Variants in ATP8B1 observed in about 807,000 individuals in gnomAD.
ATP8B1 encodes phospholipid-transporting ATPase IC.
Under a neutral mutation model 149.9 loss-of-function variants are expected in ATP8B1, and 80 were observed. The observed-to-expected ratio is 0.53, with a 90% CI of 0.45 to 0.64. The LOEUF (loss-of-function observed/expected upper bound fraction) is 0.64. ATP8B1 is among the 30% of genes least tolerant of loss of function. The pLI is 0.00. For synonymous variants in ATP8B1, 536 were observed against 562.8 expected, an observed-to-expected ratio of 0.95 and a Z score of 0.67; for missense variants, 1,247 against 1,552.6, an observed-to-expected ratio of 0.80 and a Z score of 3.31.
In ATP8B1 at chr18:57,649,506, C is replaced by A. The variant is rs541450460; in HGVS notation, c.3532-794G>T. 3.9e-5 allele frequency among the ~76,000 whole-genome samples: 6 copies of A among 152,162 alleles called. No homozygotes were observed. The East Asian group carries it at 1.2e-3, about 29-fold the overall frequency. ...TTGTTACTGCATACTGTTGGCACTGCAAAAGGGAGACCCGAGGGATACTGA... is the reference window on the plus strand; with the variant it reads ...TTGTTACTGCATACTGTTGGCACTGAAAAAGGGAGACCCGAGGGATACTGA... On this transcript the variant is annotated intron_variant, in intron 27 of 27. Coordinates refer to ENST00000648908, the MANE Select transcript of ATP8B1 (RefSeq NM_001374385.1).
chr18:57,650,230 A>C, intron 27 of ATP8B1, 137 bp downstream of exon 27: 2 of 1,115,686 alleles, frequency 1.8e-6, no homozygotes, highest in South Asian at 2.6e-5. Flanking sequence ...TGTGAGATAG[A>C]GTTAAAGAGA....
At chr18:57,708,157 C>CAAAAAAAAAAAAA (rs36027330) in intron 2 of ATP8B1, among the ~76,000 whole-genome samples, 2 of 67,076 alleles carry the variant, frequency 3.0e-5, no homozygotes, top group Non-Finnish European at 5.6e-5. Context: ...AACTCTGTCT[C>CAAAAAAAAAAAAA]AAAAAAAAAA....
At chr18:57,701,983 C>T (rs1752883290) in intron 4 of ATP8B1, among the ~76,000 whole-genome samples, 1 of 152,182 alleles carries the variant, frequency 6.6e-6, no homozygotes, top group Admixed American at 6.5e-5. Context: ...CAGGTGTGAG[C>T]CACCGTGCCT....
At chr18:57,735,833 T>C (rs1159416389) in intron 1 of ATP8B1, among the ~76,000 whole-genome samples, 2 of 152,128 alleles carry the variant, frequency 1.3e-5, no homozygotes, top group Non-Finnish European at 2.9e-5. Context: ...AGTTCTAGGA[T>C]ACATGTGCAG....
intron 1 of ATP8B1, among the ~76,000 whole-genome samples, chr18:57,748,559 G>A (rs976276386): frequency 1.3e-5 from 2 of 152,202 alleles, no homozygotes; most frequent in Admixed American, 6.6e-5. Flanking sequence ...TGGCTTGAAT[G>A]TGTAGCTTTA....
intron 16 of ATP8B1, among the ~76,000 whole-genome samples, chr18:57,674,477 C>T (rs1375822266): frequency 4.0e-5 from 6 of 149,016 alleles, no homozygotes; most frequent in African/African-American, 1.2e-4. Context: ...CTCTGCCTCC[C>T]GGGTTCACGC....
chr18:57,749,129 C>T (rs2079992719), intron 1 of ATP8B1, among the ~76,000 whole-genome samples: 1 of 152,162 alleles, frequency 6.6e-6, no homozygotes, highest in Non-Finnish European at 1.5e-5. Flanking sequence ...CTTTTTTCTG[C>T]TGTGATATTT....
In ATP8B1 at chr18:57,701,080, C is replaced by G. The variant is rs1913093682; in HGVS notation, c.513G>C (p.Lys171Asn). ...VDDVARHKMD[K>N]EINNRTCEVI... ...CTTCACACGTCCTATTGTTGATTTC[C>G]TTATCCATTTTATGGCGAGCCTTGA... Residue 171 changes from lysine to asparagine, a missense_variant, in exon 6 of 28, where the codon AAG becomes AAC. Coordinates refer to ENST00000648908, the MANE Select transcript of ATP8B1 (RefSeq NM_001374385.1). The G allele has an allele frequency of 1.9e-6, 3 of 1,613,992 alleles. No homozygotes were observed. In the African/African-American group the frequency reaches 4.0e-5, roughly 22 times the overall value.
chr18:57,701,406 T>C, intron 4 of ATP8B1, 93 bp from the exon 5 acceptor site: 1 of 1,106,158 alleles, frequency 9.0e-7, no homozygotes, highest in African/African-American at 1.5e-5. Flanking sequence ...TAATTCCAAG[T>C]CTCATCACCG....
At chr18:57,684,274 C>G in intron 14 of ATP8B1, 82 bp from the exon 15 acceptor site, 7 of 1,452,112 alleles carry the variant, frequency 4.8e-6, no homozygotes, top group Non-Finnish European at 6.6e-6. Flanking sequence ...TCTTCAAAGG[C>G]AAGGTTTCAA....
At chr18:57,770,623 G>A (rs1341093313) in intron 1 of ATP8B1, among the ~76,000 whole-genome samples, 1 of 152,226 alleles carries the variant, frequency 6.6e-6, no homozygotes, top group African/African-American at 2.4e-5. Context: ...GAGAAGGAGA[G>A]GCTGAGACAG....
intron 1 of ATP8B1, among the ~76,000 whole-genome samples, chr18:57,766,676 T>C (rs2080214169): frequency 6.6e-6 from 1 of 152,170 alleles, no homozygotes; most frequent in African/African-American, 2.4e-5. Context: ...ACTCTTCATT[T>C]CCATCAAGCT....
At chr18:57,663,677 T>C (rs1910656833) in intron 20 of ATP8B1, among the ~76,000 whole-genome samples, 1 of 152,124 alleles carries the variant, frequency 6.6e-6, no homozygotes, top group Non-Finnish European at 1.5e-5. Context: ...CCCTAATGAT[T>C]AGTGATGATG....
Position 57,697,834 on chromosome 18 carries a change from A to G in ATP8B1, c.588T>C (p.Val196=). The G allele has an allele frequency of 6.2e-7, 1 of 1,614,082 alleles. No homozygotes were observed. Reference sequence around the variant, plus strand: ...TTTTTTTCAGACGAATGACGTCTCCAACTTGAATTTCTTTCCACTTAGCAA... The same window carrying G: ...TTTTTTTCAGACGAATGACGTCTCCGACTTGAATTTCTTTCCACTTAGCAA... The part of the protein sequence containing the change: ...FKVAKWKEIQ[V]GDVIRLKKND... The change falls in exon 7 of 28, where the codon GTT becomes GTC. Residue 196 remains valine (V), a synonymous_variant. Coordinates refer to ENST00000648908, the MANE Select transcript of ATP8B1 (RefSeq NM_001374385.1).
At chr18:57,653,315 C>G (rs1478769623) in intron 24 of ATP8B1, among the ~76,000 whole-genome samples, 1 of 127,784 alleles carries the variant, frequency 7.8e-6, no homozygotes, top group Non-Finnish European at 1.6e-5. Flanking sequence ...GACAGGGTCT[C>G]ACTTTGTTGC....
At chr18:57,693,166 T>C (rs998006750) in intron 11 of ATP8B1, among the ~76,000 whole-genome samples, 1 of 152,232 alleles carries the variant, frequency 6.6e-6, no homozygotes, top group African/African-American at 2.4e-5. Flanking sequence ...ATTTTAAACA[T>C]GTATATGCAA....
chr18:57,767,991 AT>A (rs1179818719), intron 1 of ATP8B1, among the ~76,000 whole-genome samples: 1 of 152,174 alleles, frequency 6.6e-6, no homozygotes, highest in Non-Finnish European at 1.5e-5. Flanking sequence ...AGAGCTCTAA[AT>A]TGATTTTTAA....
At chr18:57,793,517 C>T (rs2080483084) in intron 1 of ATP8B1, among the ~76,000 whole-genome samples, 1 of 152,096 alleles carries the variant, frequency 6.6e-6, no homozygotes, top group Non-Finnish European at 1.5e-5. Flanking sequence ...AGCCATCTTC[C>T]AAGAAATCAA....
intron 2 of ATP8B1, among the ~76,000 whole-genome samples, chr18:57,722,097 A>C (rs1158096271): frequency 2.1e-4 from 31 of 145,820 alleles, no homozygotes; most frequent in Non-Finnish European, 3.9e-4. Context: ...CATTCAAAGC[A>C]GTGTGTAGAG....
Sources: gnomAD v4.1 joint callset for allele counts (sites outside exome capture counted in the v4.1 genomes callset) on GRCh38, gnomAD v4.1.1 for gene constraint, MANE v1.5 for transcripts, NCBI Gene and HGNC (gene_info 2026-07-23, HGNC 2026-07-21) for gene names.